GLRB: variants seen among roughly 807,000 people sequenced by gnomAD.
The protein encoded by GLRB is glycine receptor subunit beta.
A neutral mutation model predicts 54.2 loss-of-function variants in GLRB; 33 were observed. That is an observed-to-expected ratio of 0.61 (90% CI 0.46 to 0.81). GLRB has a LOEUF of 0.81. Among genes scored for constraint, GLRB ranks in the 40% least tolerant of loss-of-function variants. The pLI is 0.00. For synonymous variants in GLRB, 209 were observed against 208.2 expected (o/e 1.00, Z -0.03); for missense variants, 572 against 584.6 (o/e 0.98, Z 0.22).
In GLRB at chr4:157,082,962, TTTTA is replaced by T. The variant is rs1310872740; in HGVS notation, c.122+4818_122+4821del. Among the ~76,000 whole-genome samples, 657 of 115,552 alleles carry T rather than the reference TTTTA, an allele frequency of 5.7e-3. 1 individual carries two copies. The highest frequency in any genetic ancestry group is 7.7e-3 in the Non-Finnish European group (463 of 60,298). The allele number at this position is 115,552 out of a possible 152,430, so 75.8% of individuals were successfully genotyped here. ...ATAATTATCAGACAAATGAATAGTG[TTTTA>T]TATATATATATATATATATATATAC... On this transcript the variant is annotated intron_variant, in intron 2 of 9. Transcript: ENST00000264428.
chr4:157,119,947 G>A (rs566493428), intron 2 of GLRB, among the ~76,000 whole-genome samples: 19 of 151,730 alleles, frequency 1.3e-4, no homozygotes, highest in South Asian at 6.2e-4. Context: ...TGTGTATTGC[G>A]GCACTATTCA....
chr4:157,119,096 A>G (rs1201547762), intron 2 of GLRB, among the ~76,000 whole-genome samples: 1 of 151,678 alleles, frequency 6.6e-6, no homozygotes, highest in Non-Finnish European at 1.5e-5. Context: ...ACTTATCATT[A>G]TTCAAAGTTA....
intron 8 of GLRB, among the ~76,000 whole-genome samples, chr4:157,150,150 A>G (rs1363344304): frequency 1.3e-5 from 2 of 152,064 alleles, no homozygotes; most frequent in Non-Finnish European, 2.9e-5. Context: ...ACCTCCTTAT[A>G]TAGCTTATTT....
chr4:157,093,790 C>T (rs1734707725), intron 2 of GLRB, among the ~76,000 whole-genome samples: 1 of 151,334 alleles, frequency 6.6e-6, no homozygotes, highest in Non-Finnish European at 1.5e-5. Flanking sequence ...ACATGGTTCC[C>T]CTTGGCTCTG....
intron 8 of GLRB, among the ~76,000 whole-genome samples, chr4:157,151,077 G>A (rs1414862359): frequency 1.3e-5 from 2 of 151,874 alleles, no homozygotes; most frequent in East Asian, 1.9e-4. Context: ...TCATCATAAA[G>A]TTTCTAATCT....
chr4:157,104,713 T>C (rs1349866621), intron 2 of GLRB, among the ~76,000 whole-genome samples: 1 of 152,066 alleles, frequency 6.6e-6, no homozygotes, highest in Non-Finnish European at 1.5e-5. Context: ...GAGGTTTTGA[T>C]TACTGATTCA....
rs1226891853 is a variant in GLRB at position 157,112,814 on chromosome 4, A to G, written c.123-7742A>G. Among the ~76,000 whole-genome samples, 3 of 152,072 alleles carry G rather than the reference A, an allele frequency of 2.0e-5. No individual in the cohort carries two copies. The East Asian group carries it at 5.8e-4, about 30-fold the overall frequency. ...CTTCAGCCAAAGGCTATTCCAGAAG[A>G]CACTCAGCTCTGAACTGTAGGCAGC... On this transcript the variant is annotated intron_variant, in intron 2 of 9. Transcript: ENST00000264428.
chr4:157,150,629 A>T (rs906526996), intron 8 of GLRB, among the ~76,000 whole-genome samples: 2 of 152,012 alleles, frequency 1.3e-5, no homozygotes, highest in African/African-American at 4.8e-5. Flanking sequence ...GTGCTGTGTC[A>T]TGATCATCGG....
rs1477777671 is a variant in GLRB at position 157,170,994 on chromosome 4, C to T, written c.*266C>T. The stretch of plus-strand genomic sequence containing the variant: ...AGCATACTACATAATATAATCCATA[C>T]AATTCTCTTCAGTTAGTGTAAACTG... On this transcript the variant is annotated 3_prime_UTR_variant, in exon 10 of 10. Transcript: ENST00000264428. 3 of 257,492 alleles carry T rather than the reference C, an allele frequency of 1.2e-5. No individual in the cohort carries two copies. Among genetic ancestry groups the T allele is most frequent in the Middle Eastern group, 1.1e-3 (1 of 880 alleles). The allele number at this position is 257,492 out of a possible 1,614,324, so 16.0% of individuals were successfully genotyped here.
chr4:157,094,234 A>G (rs73856826), intron 2 of GLRB, among the ~76,000 whole-genome samples: 7,972 of 152,194 alleles, frequency 0.052, 559 homozygotes, highest in African/African-American at 0.16. Context: ...CTCATTGCCA[A>G]CTCCAGTGAT....
intron 2 of GLRB, among the ~76,000 whole-genome samples, chr4:157,102,275 G>C (rs191147923): frequency 3.3e-5 from 5 of 151,978 alleles, no homozygotes; most frequent in Admixed American, 3.3e-4. Flanking sequence ...TTAACTATAG[G>C]CACATATCTA....
At chr4:157,130,381 A>AT (rs1009881536) in intron 4 of GLRB, among the ~76,000 whole-genome samples, 11 of 151,292 alleles carry the variant, frequency 7.3e-5, no homozygotes, top group Admixed American at 4.0e-4. Flanking sequence ...CATTCTTAGG[A>AT]TTTTTTTCTT....
chr4:157,101,062 T>G (rs1735004964), intron 2 of GLRB, among the ~76,000 whole-genome samples: 2 of 152,154 alleles, frequency 1.3e-5, no homozygotes, highest in Admixed American at 1.3e-4. Context: ...TGTGTAGTTC[T>G]AAGTATGAAT....
In GLRB at chr4:157,136,822, A is replaced by G; in HGVS notation, c.546A>G (p.Ser182=). The G allele has an allele frequency of 1.9e-6, 3 of 1,609,630 alleles. No individual in the cohort carries two copies. Among genetic ancestry groups the G allele is most frequent in the Non-Finnish European group, 2.6e-6 (3 of 1,175,980 alleles). The change falls in exon 6 of 10, where the codon TCA becomes TCG. Residue 182 remains serine (S), a synonymous_variant. Coordinates refer to ENST00000264428, the MANE Select transcript of GLRB (RefSeq NM_000824.5). ...CTTCCAGGTTATCTATTACTCTTTC[A>G]TGCCCTTTGGACTTGACATTGTTTC... ...LVSMRLSITL[S]CPLDLTLFPM... is the part of the protein sequence containing the mutation.
At chr4:157,149,548 G>A (rs958144875) in intron 8 of GLRB, among the ~76,000 whole-genome samples, 1 of 151,482 alleles carries the variant, frequency 6.6e-6, no homozygotes, top group Non-Finnish European at 1.5e-5. Flanking sequence ...TAATAATTTG[G>A]GTCAAAGTTC....
intron 2 of GLRB, among the ~76,000 whole-genome samples, chr4:157,094,517 A>G (rs965515898): frequency 1.3e-5 from 2 of 152,236 alleles, no homozygotes; most frequent in South Asian, 2.1e-4. Context: ...TTGAGAATAT[A>G]CAAATAACTT....
chr4:157,170,879 T>C lies in GLRB; in HGVS notation c.*151T>C. 3 of 572,616 alleles carry C rather than the reference T, an allele frequency of 5.2e-6. No homozygotes were observed. Among genetic ancestry groups the C allele is most frequent in the Non-Finnish European group, 9.3e-6 (3 of 324,068 alleles). 35.5% of individuals were successfully genotyped at this position (572,616 alleles called of 1,614,324 possible). On this transcript the variant is annotated 3_prime_UTR_variant, in exon 10 of 10. Coordinates refer to ENST00000264428, the MANE Select transcript of GLRB (RefSeq NM_000824.5). ...TAATAAAACTGTGGCACCTTAATTT[T>C]GAATGGCAGCATGATCATGTAATAT...
At chr4:157,145,005 T>G (rs1180321614) in intron 8 of GLRB, among the ~76,000 whole-genome samples, 2 of 152,214 alleles carry the variant, frequency 1.3e-5, no homozygotes, top group East Asian at 3.8e-4. Context: ...TTATATTTAC[T>G]GGGAAAATAA....
At chr4:157,080,955 A>G (rs917706323) in intron 2 of GLRB, among the ~76,000 whole-genome samples, 1 of 152,162 alleles carries the variant, frequency 6.6e-6, no homozygotes, top group African/African-American at 2.4e-5. Flanking sequence ...AGGAGAAATA[A>G]AGGACTTGAG....
Sources: allele counts gnomAD v4.1 joint callset (sites outside exome capture counted in the v4.1 genomes callset), GRCh38; gene constraint gnomAD v4.1.1; transcripts MANE v1.5; gene names NCBI Gene and HGNC (gene_info 2026-07-23, HGNC 2026-07-21).